The following CD99L2 variants were observed in gnomAD, a reference collection of about 807,000 sequenced individuals.
CD99L2 encodes the protein CD99 antigen-like protein 2.
A neutral mutation model predicts 27.3 loss-of-function variants in CD99L2; 24 were observed. That is an observed-to-expected ratio of 0.88 (90% CI 0.64 to 1.24). CD99L2 has a LOEUF of 1.24. CD99L2 is among the 50% of genes most tolerant of loss of function. The probability of loss-of-function intolerance (pLI) is 0.00; values close to 1 mark genes in which losing one functional copy is unlikely to be tolerated. For synonymous variants in CD99L2, 97 were observed against 87.9 expected, an observed-to-expected ratio of 1.10 and a Z score of -0.58; for missense variants, 255 against 221.6, an observed-to-expected ratio of 1.15 and a Z score of -0.96.
chrX:150,897,289 T>G (rs2124403815), intron 1 of CD99L2, among the ~76,000 whole-genome samples: 1 of 112,687 alleles, frequency 8.9e-6, no homozygotes, highest in South Asian at 3.7e-4. Context: ...CGGACCAGGA[T>G]GTAAGCTCCA....
At chrX:150,823,960 C>A (rs941482253) in intron 2 of CD99L2, among the ~76,000 whole-genome samples, 15 of 104,783 alleles carry the variant, frequency 1.4e-4, no homozygotes, top group African/African-American at 5.3e-4. Flanking sequence ...GGCAACATAG[C>A]GAGACCCTGT....
chrX:150,778,576 A>G (rs188989068), intron 7 of CD99L2, among the ~76,000 whole-genome samples: 4,554 of 108,024 alleles, frequency 0.042, 280 homozygotes, highest in African/African-American at 0.15. Flanking sequence ...GCTCTAAAAA[A>G]TAAAGCCTAT....
At chrX:150,843,306 G>A (rs1030690976) in intron 1 of CD99L2, among the ~76,000 whole-genome samples, 4 of 111,967 alleles carry the variant, frequency 3.6e-5, no homozygotes, top group Non-Finnish European at 5.6e-5. Context: ...TAAATCCTAA[G>A]TGAGTGAATA....
At position 150,767,691 on chromosome X, in the gene CD99L2, G is replaced by C. The variant is rs1052418808; in HGVS notation, c.*1343C>G. On this transcript the variant is annotated 3_prime_UTR_variant, in exon 11 of 11. Coordinates refer to ENST00000370377, the MANE Select transcript of CD99L2 (RefSeq NM_031462.4). ...CCTATGAAACGCATGGGGCCATCAT[G>C]CAGACCAAAGAGGCCCGTGAGTTTT... The C allele has an allele frequency of 1.8e-5, 2 of 112,042 alleles. No individual in the cohort carries two copies. Among genetic ancestry groups the C allele is most frequent in the Admixed American group, 1.9e-4 (2 of 10,672 alleles). The allele number at this position is 112,042 out of a possible 1,213,427, so 9.2% of individuals were successfully genotyped here. A position where few individuals can be genotyped will look rare whatever the true frequency, so the allele number is the denominator to read the frequency against.
intron 8 of CD99L2, 123 bp downstream of exon 8, chrX:150,777,321 G>A (rs1483635854): frequency 3.8e-5 from 31 of 818,996 alleles, no homozygotes; most frequent in Middle Eastern, 3.0e-4. Context: ...GGAGTAGAAT[G>A]GGAGGCACGT....
chrX:150,828,349 A>C (rs1557420976), intron 2 of CD99L2: 1 of 111,224 alleles, frequency 9.0e-6, no homozygotes, highest in African/African-American at 3.3e-5. Context: ...GGCTCCTCCC[A>C]TGTCATCCTT....
intron 7 of CD99L2, among the ~76,000 whole-genome samples, chrX:150,778,463 G>A (rs2045443205): frequency 9.8e-6 from 1 of 101,827 alleles, no homozygotes; most frequent in Admixed American, 1.1e-4. Flanking sequence ...CTCTGGCAGG[G>A]TGGGGGGGTA....
intron 1 of CD99L2, among the ~76,000 whole-genome samples, chrX:150,837,401 C>T (rs1389270134): frequency 9.0e-6 from 1 of 111,107 alleles, no homozygotes; most frequent in Non-Finnish European, 1.9e-5. Context: ...AGGCACCCGC[C>T]ACCACACTTG....
Position 150,898,569 on chromosome X carries a change from G to T in CD99L2, c.20C>A (p.Ala7Glu). Residue 7 changes from alanine to glutamate, a missense_variant, in exon 1 of 11, where the codon GCG becomes GAG. Physicochemically the swap from Ala to Glu is moderately radical, Grantham distance 107. Coordinates refer to ENST00000370377, the MANE Select transcript of CD99L2 (RefSeq NM_031462.4). ...GGAGAAAGCGAGGCAGACAAGGAAC[G>T]CCGAGCGCCAGGCCACCATGGCTGG... MVAWRS[A>E]FLVCLAFSLA... The T allele has an allele frequency of 8.9e-7, 1 of 1,118,246 alleles. No individual in the cohort carries two copies. Among genetic ancestry groups the T allele is most frequent in the Non-Finnish European group, 1.2e-6 (1 of 851,300 alleles). 92.2% of individuals were successfully genotyped at this position (1,118,246 alleles called of 1,213,427 possible).
chrX:150,838,187 T>C (rs2046562039), intron 1 of CD99L2, among the ~76,000 whole-genome samples: 1 of 111,834 alleles, frequency 8.9e-6, no homozygotes, highest in African/African-American at 3.3e-5. Context: ...AGCTGACCAA[T>C]CTTCAAAATC....
At chrX:150,787,180 T>C (rs1050917970) in intron 7 of CD99L2, among the ~76,000 whole-genome samples, 4 of 112,204 alleles carry the variant, frequency 3.6e-5, no homozygotes, top group African/African-American at 1.3e-4. Context: ...GTTTACTCTG[T>C]TGATAGTTTC....
At chrX:150,819,262 T>C in intron 2 of CD99L2, 1 of 318,485 alleles carries the variant, frequency 3.1e-6, no homozygotes. Flanking sequence ...TTGACCTGTT[T>C]TATCTTAACC....
rs951929570 is a variant in CD99L2 at position 150,799,578 on chromosome X, A to G, written c.278-4092T>C. On this transcript the variant is annotated intron_variant, in intron 4 of 10. Transcript: ENST00000370377. ...AAATGGGCAAAGGACTTGAATAGAC[A>G]TATCTTCAAAGAAGATATACAAATG... Among the ~76,000 whole-genome samples, 38 of 111,487 alleles carry G rather than the reference A, an allele frequency of 3.4e-4. 1 individual carries two copies. Among genetic ancestry groups the G allele is most frequent in the Non-Finnish European group, 9.4e-5 (5 of 53,097 alleles).
rs1398244543 is a variant in CD99L2 at position 150,767,558 on chromosome X, G to C, written c.*1476C>G. The C allele has an allele frequency of 8.9e-6, 1 of 111,772 alleles. No homozygotes were observed. Among genetic ancestry groups the C allele is most frequent in the Admixed American group, 9.4e-5 (1 of 10,600 alleles). The allele number at this position is 111,772 out of a possible 1,213,427, so 9.2% of individuals were successfully genotyped here. A position where few individuals can be genotyped will look rare whatever the true frequency, so the allele number is the denominator to read the frequency against. The stretch of plus-strand genomic sequence containing the variant: ...ACAGGCATGTTTGCAAAACGAACAC[G>C]AGGCATGCGTTAGACAGATGCATGT... On this transcript the variant is annotated 3_prime_UTR_variant, in exon 11 of 11. Transcript: ENST00000370377.
At chrX:150,833,663 T>C (rs187970485) in intron 1 of CD99L2, among the ~76,000 whole-genome samples, 100 of 111,916 alleles carry the variant, frequency 8.9e-4, no homozygotes, top group African/African-American at 3.1e-3. Flanking sequence ...ATATTTACAG[T>C]TAATTGATCT....
chrX:150,883,220 C>CA (rs1475289769), intron 1 of CD99L2, among the ~76,000 whole-genome samples: 1 of 110,930 alleles, frequency 9.0e-6, no homozygotes, highest in African/African-American at 3.3e-5. Flanking sequence ...AACAAACAAA[C>CA]AAAAAAAACC....
At chrX:150,805,144 C>T (rs1002851195) in intron 4 of CD99L2, among the ~76,000 whole-genome samples, 1 of 111,841 alleles carries the variant, frequency 8.9e-6, no homozygotes, top group African/African-American at 3.3e-5. Flanking sequence ...CCTGAGATGG[C>T]GCCATTGCAC....
At chrX:150,811,196 G>A (rs1055603295) in intron 4 of CD99L2, among the ~76,000 whole-genome samples, 2 of 111,750 alleles carry the variant, frequency 1.8e-5, no homozygotes. Flanking sequence ...TAGCATTAGG[G>A]AAATGCACAT....
At chrX:150,818,337 C>A (rs186977032) in intron 2 of CD99L2, among the ~76,000 whole-genome samples, 254 of 109,277 alleles carry the variant, frequency 2.3e-3, no homozygotes, top group African/African-American at 7.5e-3. Flanking sequence ...TCAAGGTAGA[C>A]CATATGTAGG....
Sources: gnomAD v4.1 joint callset for allele counts (sites outside exome capture counted in the v4.1 genomes callset) on GRCh38, gnomAD v4.1.1 for gene constraint, MANE v1.5 for transcripts, NCBI Gene and HGNC (gene_info 2026-07-23, HGNC 2026-07-21) for gene names.